Variants in CSTF2 observed in about 807,000 individuals in gnomAD.
The protein encoded by CSTF2 is cleavage stimulation factor subunit 2, also known as CF-1 64 kDa subunit.
In CSTF2, 8 loss-of-function variants were observed where a neutral mutation model predicts 45.4. The ratio of observed to expected loss-of-function variants is 0.18; its 90% CI spans 0.10 to 0.32. The LOEUF (loss-of-function observed/expected upper bound fraction) is 0.32. Ranked by LOEUF, CSTF2 falls within the 10% of genes least tolerant of loss-of-function variation. The pLI, the probability that CSTF2 is intolerant of heterozygous loss-of-function variation, is 1.00. For missense variants in CSTF2, 253 were observed against 477.1 expected (o/e 0.53, Z 4.38); for synonymous variants, 155 against 158.9 (o/e 0.98, Z 0.18).
intron 2 of CSTF2, 44 bp downstream of exon 2, chrX:100,821,649 A>G: frequency 1.0e-6 from 1 of 999,159 alleles, no homozygotes; most frequent in South Asian, 2.0e-5. Context: ...CTTAAAAATC[A>G]CCACAGATTT....
intron 8 of CSTF2, 56 bp downstream of exon 8, chrX:100,828,158 C>A: frequency 1.1e-6 from 1 of 930,847 alleles, no homozygotes; most frequent in Non-Finnish European, 1.5e-6. Context: ...TGTTCCACAT[C>A]CACAGTATCT....
rs1360378295 is a variant in CSTF2 at position 100,841,403 on chromosome X, T to G, written c.*693T>G. The stretch of plus-strand genomic sequence containing the variant: ...TGAGTGTGTCAGCAACACAAGAGAC[T>G]GTTGACATTTACTTGTGTGTTCTTA... On this transcript the variant is annotated 3_prime_UTR_variant, in exon 14 of 14. Coordinates refer to ENST00000372972, the MANE Select transcript of CSTF2 (RefSeq NM_001325.3). Among the ~76,000 whole-genome samples the G allele has an allele frequency of 8.9e-6, 1 of 112,663 alleles. No individual in the cohort carries two copies. The highest frequency in any genetic ancestry group is 1.9e-5 in the Non-Finnish European group (1 of 53,365).
At chrX:100,829,667 T>G (rs1362729326) in intron 8 of CSTF2, among the ~76,000 whole-genome samples, 1 of 111,737 alleles carries the variant, frequency 8.9e-6, no homozygotes, top group African/African-American at 3.3e-5. Flanking sequence ...ATATCTCATA[T>G]TTTCTCTAAG....
At chrX:100,839,089 T>A (rs1420347505) in intron 13 of CSTF2, among the ~76,000 whole-genome samples, 2 of 109,296 alleles carry the variant, frequency 1.8e-5, no homozygotes, top group African/African-American at 3.3e-5. Context: ...TTACAAAAAT[T>A]TTTTAAAAAA....
At chrX:100,824,341 G>T in intron 6 of CSTF2, 84 bp downstream of exon 6, 1 of 976,060 alleles carries the variant, frequency 1.0e-6, no homozygotes, top group South Asian at 3.0e-5. Flanking sequence ...AAGAAGAATG[G>T]TCAGGAACCA....
At chrX:100,832,710 T>G (rs2084983292) in intron 9 of CSTF2, 24 bp from the exon 10 acceptor site, 1 of 1,178,254 alleles carries the variant, frequency 8.5e-7, no homozygotes, top group Non-Finnish European at 1.1e-6. Flanking sequence ...TATTTTAAAA[T>G]ACAACGTTTT....
chrX:100,823,829 A>C, intron 4 of CSTF2, 57 bp from the exon 5 acceptor site: 1 of 1,153,356 alleles, frequency 8.7e-7, no homozygotes, highest in Non-Finnish European at 1.2e-6. Context: ...AATGGCTCTA[A>C]ATCACTATCA....
intron 11 of CSTF2, among the ~76,000 whole-genome samples, chrX:100,835,065 T>G (rs1196774777): frequency 9.0e-6 from 1 of 110,708 alleles, no homozygotes; most frequent in Admixed American, 9.6e-5. Context: ...ATATATTAAC[T>G]TATAAATATA....
In CSTF2 at chrX:100,824,163, G is replaced by T; in HGVS notation, c.608G>T (p.Gly203Val). 8.3e-7 allele frequency: 1 copy of T among 1,211,605 alleles called. No individual in the cohort carries two copies. Among genetic ancestry groups the T allele is most frequent in the African/African-American group, 1.7e-5 (1 of 57,798 alleles). ...ACAAATATCCCAACGCTGATTGCAG[G>T]CAACCCTCAGCCAGTCCATGGTGCT... ...RQTNIPTLIA[G>V]NPQPVHGAGP... The change falls in exon 6 of 14, where the codon GGC becomes GTC. Residue 203 changes from glycine to valine, a missense_variant. Physicochemically the swap from Gly to Val is moderately radical, Grantham distance 109. Transcript: ENST00000372972.
rs1421717578 is a variant in CSTF2 at position 100,833,340 on chromosome X, A to C, written c.1368A>C (p.Glu456Asp). The C allele has an allele frequency of 8.3e-7, 1 of 1,209,746 alleles. No homozygotes were observed. Among genetic ancestry groups the C allele is most frequent in the South Asian group, 1.8e-5 (1 of 56,555 alleles). Residue 456 changes from glutamate (E) to aspartate (D), a missense_variant, in exon 11 of 14, where the codon GAA becomes GAC. Transcript: ENST00000372972. ...GAGCGATGGAGGCCCGTGCAATGGA[A>C]GTCCGAGGGATGGAGGCCAGAGGCA... ...EARAMEARAM[E>D]VRGMEARGMD... is the part of the protein sequence containing the mutation.
chrX:100,822,713 A>G (rs930303278), intron 3 of CSTF2: 2 of 338,408 alleles, frequency 5.9e-6, no homozygotes, highest in Admixed American at 7.5e-5. Flanking sequence ...GTAGGGATGC[A>G]TAGGGTCACT....
In CSTF2 at chrX:100,832,803, A is replaced by G; in HGVS notation, c.1101A>G (p.Pro367=). 1 of 1,210,602 alleles carries G rather than the reference A, an allele frequency of 8.3e-7. No individual in the cohort carries two copies. Among genetic ancestry groups the G allele is most frequent in the Middle Eastern group, 2.3e-4 (1 of 4,351 alleles). ...TCCCTGGCCATGAGAGCCGAGGACC[A>G]CCCCCACATGAACTGAGGGGAGGGC... The part of the protein sequence containing the change: ...HHVPGHESRG[P]PPHELRGGPL... The change falls in exon 10 of 14, where the codon CCA becomes CCG. Residue 367 remains proline (P), a synonymous_variant. Coordinates refer to ENST00000372972, the MANE Select transcript of CSTF2 (RefSeq NM_001325.3).
At chrX:100,823,496 G>T in intron 4 of CSTF2, 68 bp downstream of exon 4, 1 of 1,128,289 alleles carries the variant, frequency 8.9e-7, no homozygotes, top group Non-Finnish European at 1.2e-6. Context: ...ACTTGAATTA[G>T]TTCCCTGAGC....
At chrX:100,827,259 A>G (rs1040712266) in intron 7 of CSTF2, among the ~76,000 whole-genome samples, 9 of 112,299 alleles carry the variant, frequency 8.0e-5, no homozygotes, top group African/African-American at 2.9e-4. Flanking sequence ...AACAAACATA[A>G]TCAGAACAAA....
intron 6 of CSTF2, among the ~76,000 whole-genome samples, chrX:100,824,926 G>A (rs776081527): frequency 2.7e-5 from 3 of 112,233 alleles, no homozygotes; most frequent in South Asian, 7.4e-4. Flanking sequence ...TAAACTACAC[G>A]TATCAACATG....
chrX:100,834,041 T>C (rs772138514), intron 11 of CSTF2, among the ~76,000 whole-genome samples: 1 of 111,980 alleles, frequency 8.9e-6, no homozygotes, highest in Non-Finnish European at 1.9e-5. Flanking sequence ...TTATTAATAA[T>C]CACCTTAAAA....
rs759649601 is a variant in CSTF2, at chrX:100,831,541, A to G, written c.916A>G (p.Met306Val). 17 of 1,209,958 alleles carry G rather than the reference A, an allele frequency of 1.4e-5. No individual in the cohort carries two copies. Among genetic ancestry groups the G allele is most frequent in the Admixed American group, 4.4e-5 (2 of 45,757 alleles). ...GCCGATGCAAGACCCCAGAGCAGCT[A>G]TGCAGCGGGGATCCTTGCCTGCGAA... ...QVPMQDPRAA[M>V]QRGSLPANVP... The change falls in exon 9 of 14, where the codon ATG becomes GTG. Residue 306 changes from methionine to valine, a missense_variant. Coordinates refer to ENST00000372972, the MANE Select transcript of CSTF2 (RefSeq NM_001325.3).
chrX:100,824,056 G>T (rs770562906), intron 5 of CSTF2, 51 bp downstream of exon 5: 1 of 1,208,425 alleles, frequency 8.3e-7, no homozygotes, highest in Non-Finnish European at 1.1e-6. Context: ...CCTTGAATGG[G>T]ATAGGAACTA....
intron 8 of CSTF2, among the ~76,000 whole-genome samples, chrX:100,829,841 G>A (rs1001914273): frequency 1.7e-4 from 19 of 112,365 alleles, no homozygotes; most frequent in African/African-American, 6.1e-4. Flanking sequence ...TCAGGTTTTA[G>A]CTGTTTAACG....
Sources: allele counts gnomAD v4.1 joint callset (sites outside exome capture counted in the v4.1 genomes callset), GRCh38; gene constraint gnomAD v4.1.1; transcripts MANE v1.5; gene names NCBI Gene and HGNC (gene_info 2026-07-23, HGNC 2026-07-21).